The following ZNF257 variants were observed in gnomAD, a reference collection of about 807,000 sequenced individuals.
ZNF257 encodes the protein zinc finger protein 257, also known as bone marrow zinc finger 4.
ZNF257 carries 12 observed loss-of-function variants against 11.9 expected under a neutral mutation model. The ratio of observed to expected loss-of-function variants is 1.01; its 90% CI spans 0.65 to 1.63. ZNF257 has a LOEUF of 1.63. Among genes scored for constraint, ZNF257 ranks in the 40% most tolerant of loss-of-function variants. The pLI is 0.00. For missense variants in ZNF257, 580 were observed against 665.5 expected (o/e 0.87, Z 1.41); for synonymous variants, 183 against 222.7 (o/e 0.82, Z 1.59).
chr19:22,089,625 A>T lies in ZNF257; in HGVS notation c.*183A>T. ...AATTCATGCTGGAGAGAAACTCTTG[A>T]AATGTGATGAATGTGGCATAGCCTC... is the stretch of plus-strand genomic sequence containing the variant. On this transcript the variant is annotated 3_prime_UTR_variant, in exon 4 of 4. Transcript: ENST00000594947. 1 of 1,413,008 alleles carries T rather than the reference A, an allele frequency of 7.1e-7. No individual in the cohort carries two copies. The highest frequency in any genetic ancestry group is 2.6e-5 in the East Asian group (1 of 38,726). The allele number at this position is 1,413,008 out of a possible 1,614,324, so 87.5% of individuals were successfully genotyped here. A position where few individuals can be genotyped will look rare whatever the true frequency, so the allele number is the denominator to read the frequency against.
chr19:22,077,397 GTAAAAC>G (rs766766722), intron 3 of ZNF257, among the ~76,000 whole-genome samples: 40 of 152,036 alleles, frequency 2.6e-4, no homozygotes, highest in Non-Finnish European at 5.7e-4. Flanking sequence ...TTTCCATCTT[GTAAAAC>G]TAAAACTCAA....
At chr19:22,078,912 C>T (rs1045577056) in intron 3 of ZNF257, among the ~76,000 whole-genome samples, 1 of 151,720 alleles carries the variant, frequency 6.6e-6, no homozygotes, top group Non-Finnish European at 1.5e-5. Context: ...CCTGCCTCAG[C>T]CTCTCTAGTA....
chr19:22,065,155 T>G (rs551986743), intron 1 of ZNF257, among the ~76,000 whole-genome samples: 1 of 152,338 alleles, frequency 6.6e-6, no homozygotes, highest in South Asian at 2.1e-4. Flanking sequence ...TTTATACTTT[T>G]GAAATATAAA....
At chr19:22,052,889 G>A (rs1257070738) in intron 1 of ZNF257, among the ~76,000 whole-genome samples, 1 of 152,126 alleles carries the variant, frequency 6.6e-6, no homozygotes, top group African/African-American at 2.4e-5. Context: ...CGGCAGCTCT[G>A]CACCCGCAGC....
intron 3 of ZNF257, among the ~76,000 whole-genome samples, chr19:22,081,658 A>T (rs2022362238): frequency 6.6e-6 from 1 of 152,100 alleles, no homozygotes; most frequent in Non-Finnish European, 1.5e-5. Context: ...CCTCTCAAGC[A>T]GCTGGGTTAC....
intron 1 of ZNF257, among the ~76,000 whole-genome samples, chr19:22,065,595 C>A (rs1276101707): frequency 4.0e-5 from 6 of 151,458 alleles, no homozygotes; most frequent in Non-Finnish European, 7.4e-5. Context: ...AAAAAATTTA[C>A]TACAAAATTG....
At chr19:22,058,813 G>C (rs2043318) in intron 1 of ZNF257, among the ~76,000 whole-genome samples, 99,842 of 151,906 alleles carry the variant, frequency 0.66, 33,692 homozygotes, top group South Asian at 0.83. Flanking sequence ...CAGTCACAAA[G>C]ACACCCACTA....
chr19:22,085,771 T>C (rs1202747498), intron 3 of ZNF257, among the ~76,000 whole-genome samples: 1 of 152,104 alleles, frequency 6.6e-6, no homozygotes, highest in Non-Finnish European at 1.5e-5. Context: ...TATTATTGCT[T>C]AATGTCCTTT....
chr19:22,072,682 AT>A, intron 1 of ZNF257, 126 bp from the exon 2 acceptor site: 1 of 1,044,996 alleles, frequency 9.6e-7, no homozygotes, highest in Non-Finnish European at 1.4e-6. Flanking sequence ...TTCTTGGATA[AT>A]TTTGGTCACT....
chr19:22,054,932 T>C (rs902156234), intron 1 of ZNF257, among the ~76,000 whole-genome samples: 242 of 141,122 alleles, frequency 1.7e-3, no homozygotes, highest in African/African-American at 5.6e-3. Context: ...TTTTTTTTTT[T>C]TTCTTCTTAT....
At chr19:22,057,028 T>C (rs1286113446) in intron 1 of ZNF257, among the ~76,000 whole-genome samples, 1 of 152,190 alleles carries the variant, frequency 6.6e-6, no homozygotes, top group Admixed American at 6.5e-5. Context: ...TTCTATATTC[T>C]GTTATTTTGA....
chr19:22,083,031 G>A (rs2145715321), intron 3 of ZNF257, among the ~76,000 whole-genome samples: 1 of 152,134 alleles, frequency 6.6e-6, no homozygotes, highest in Middle Eastern at 3.4e-3. Context: ...TGTTGTGAAA[G>A]GTTGTTTAAT....
In ZNF257 at chr19:22,088,826, T is replaced by G; in HGVS notation, c.1076T>G (p.Leu359Arg). The G allele has an allele frequency of 6.2e-7, 1 of 1,613,400 alleles. No homozygotes were observed. Among genetic ancestry groups the G allele is most frequent in the South Asian group, 1.1e-5 (1 of 91,048 alleles). Residue 359 changes from leucine to arginine, a missense_variant, in exon 4 of 4, where the codon CTT becomes CGT. By Grantham distance (102) the Leu-to-Arg change is moderately radical (BLOSUM62 -2). Transcript: ENST00000594947. ...AAAGCTTTTAACCGGTCTTCACACC[T>G]TACTCAACATAAGATAATTCATACT... is the stretch of plus-strand genomic sequence containing the variant. ...CGKAFNRSSH[L>R]TQHKIIHTKE...
At chr19:22,075,155 T>G (rs573211988) in intron 3 of ZNF257, among the ~76,000 whole-genome samples, 2 of 152,198 alleles carry the variant, frequency 1.3e-5, no homozygotes, top group Admixed American at 1.3e-4. Context: ...CCACCTTTAG[T>G]TGGCTTGTTA....
chr19:22,062,552 G>A (rs7248898), intron 1 of ZNF257, among the ~76,000 whole-genome samples: 58,445 of 150,196 alleles, frequency 0.39, 12,876 homozygotes, highest in African/African-American at 0.61. Context: ...GTGCAATCTC[G>A]GCTTACCACA....
At chr19:22,059,638 C>CTT (rs143776597) in intron 1 of ZNF257, among the ~76,000 whole-genome samples, 2 of 82,660 alleles carry the variant, frequency 2.4e-5, no homozygotes, top group African/African-American at 1.2e-4. Flanking sequence ...GATTTTGTTT[C>CTT]TTTTCTTTTT....
chr19:22,074,135 G>T (rs2022173398), intron 3 of ZNF257, among the ~76,000 whole-genome samples: 1 of 151,032 alleles, frequency 6.6e-6, no homozygotes, highest in African/African-American at 2.4e-5. Flanking sequence ...CTTTAGCCTT[G>T]TATTTTCCGT....
chr19:22,066,862 T>C (rs2021961571), intron 1 of ZNF257, among the ~76,000 whole-genome samples: 2 of 150,860 alleles, frequency 1.3e-5, no homozygotes, highest in South Asian at 4.2e-4. Context: ...TTTGCAGTCT[T>C]TGAGCAGATT....
Position 22,072,073 on chromosome 19 carries a change from C to T in ZNF257, c.4-736C>T, listed in dbSNP as rs144167057. Among the ~76,000 whole-genome samples, 172 of 152,246 alleles carry T rather than the reference C, an allele frequency of 1.1e-3. 1 individual carries two copies. The East Asian group carries it at 0.028, about 24-fold the overall frequency. ...ACTGATGGTTCTTTATGGTTGAATT[C>T]GGACTACGATTTACTTCTGGGAGAA... On this transcript the variant is annotated intron_variant, in intron 1 of 3. Coordinates refer to ENST00000594947, the MANE Select transcript of ZNF257 (RefSeq NM_033468.4).
Sources: gnomAD v4.1 joint callset for allele counts (sites outside exome capture counted in the v4.1 genomes callset) on GRCh38, gnomAD v4.1.1 for gene constraint, MANE v1.5 for transcripts, NCBI Gene and HGNC (gene_info 2026-07-23, HGNC 2026-07-21) for gene names.